ADGRG7: variants seen among roughly 807,000 people sequenced by gnomAD.
The protein encoded by ADGRG7 is adhesion G protein-coupled receptor G7.
Under a neutral mutation model 88.6 loss-of-function variants are expected in ADGRG7, and 82 were observed. The ratio of observed to expected loss-of-function variants is 0.93; its 90% confidence interval spans 0.77 to 1.11. The LOEUF (loss-of-function observed/expected upper bound fraction) is 1.11. Among genes scored for constraint, ADGRG7 ranks in the 50% most tolerant of loss-of-function variants. The probability of loss-of-function intolerance (pLI) is 0.00; values close to 1 mark genes in which losing one functional copy is unlikely to be tolerated. For missense variants in ADGRG7, 945 were observed against 953.4 expected (o/e 0.99, Z 0.12); for synonymous variants, 381 against 345.2 (o/e 1.10, Z -1.15).
At chr3:100,624,310 CAT>C (rs1168968089) in intron 1 of ADGRG7, among the ~76,000 whole-genome samples, 1 of 152,110 alleles carries the variant, frequency 6.6e-6, no homozygotes, top group African/African-American at 2.4e-5. Flanking sequence ...AGCTTGTTTT[CAT>C]ATGTTTGTTG....
At chr3:100,661,967 A>G (rs1185984) in intron 14 of ADGRG7, among the ~76,000 whole-genome samples, 136,569 of 152,188 alleles carry the variant, frequency 0.9, 63,055 homozygotes, top group East Asian at 1. Flanking sequence ...TGAACAAATA[A>G]GGAAAGCAAC....
At chr3:100,621,503 T>C (rs1464935105) in intron 1 of ADGRG7, among the ~76,000 whole-genome samples, 1 of 152,210 alleles carries the variant, frequency 6.6e-6, no homozygotes, top group Non-Finnish European at 1.5e-5. Context: ...AGTTGTAACA[T>C]TCCCTTAAGC....
At chr3:100,622,248 GTC>G (rs1299443828) in intron 1 of ADGRG7, among the ~76,000 whole-genome samples, 1 of 136,888 alleles carries the variant, frequency 7.3e-6, no homozygotes, top group South Asian at 2.5e-4. Flanking sequence ...AAAGATGTAA[GTC>G]TCTCTCTATA....
intron 1 of ADGRG7, among the ~76,000 whole-genome samples, chr3:100,624,000 G>A (rs1267121948): frequency 6.6e-6 from 1 of 152,086 alleles, no homozygotes; most frequent in African/African-American, 2.4e-5. Context: ...AAATAGTGCT[G>A]CAATAAACAT....
chr3:100,616,659 T>C (rs1345491554), intron 1 of ADGRG7, among the ~76,000 whole-genome samples: 2 of 152,012 alleles, frequency 1.3e-5, no homozygotes, highest in African/African-American at 2.4e-5. Flanking sequence ...AAACACAAAA[T>C]ATTATTTCAA....
intron 15 of ADGRG7, among the ~76,000 whole-genome samples, chr3:100,670,017 G>A (rs755546103): frequency 2.0e-5 from 3 of 152,098 alleles, no homozygotes; most frequent in South Asian, 2.1e-4. Context: ...CAGCCTGGGC[G>A]ACAGAGGGAG....
intron 6 of ADGRG7, among the ~76,000 whole-genome samples, chr3:100,639,763 T>C (rs1707607091): frequency 6.6e-6 from 1 of 152,184 alleles, no homozygotes; most frequent in Non-Finnish European, 1.5e-5. Flanking sequence ...ACAAAAAAGA[T>C]AGGAACATTT....
At position 100,609,700 on chromosome 3, in the gene ADGRG7, C is replaced by T; in HGVS notation, c.-157C>T. On this transcript the variant is annotated 5_prime_UTR_variant, in exon 1 of 16. Coordinates refer to ENST00000273352, the MANE Select transcript of ADGRG7 (RefSeq NM_032787.3). ...AAACTGCATCCTACTGGATTAGCCT[C>T]AAAAGTCCTAAAATACAAAGACATC... The T allele has an allele frequency of 8.8e-6, 5 of 566,472 alleles. No homozygotes were observed. Among genetic ancestry groups the T allele is most frequent in the Non-Finnish European group, 1.6e-5 (5 of 309,218 alleles). The allele number at this position is 566,472 out of a possible 1,614,324, so 35.1% of individuals were successfully genotyped here.
intron 15 of ADGRG7, among the ~76,000 whole-genome samples, chr3:100,670,657 A>G (rs368058562): frequency 3.3e-5 from 5 of 152,064 alleles, no homozygotes; most frequent in Non-Finnish European, 7.4e-5. Context: ...GGTTTGCTGC[A>G]CCCATGAACC....
chr3:100,620,864 G>A lies in ADGRG7; in HGVS notation c.116-8734G>A, dbSNP rs116371113. On this transcript the variant is annotated intron_variant, in intron 1 of 15. Coordinates refer to ENST00000273352, the MANE Select transcript of ADGRG7 (RefSeq NM_032787.3). ...TTTTTTTACAACTGGAAGTTTTGTG[G>A]CAACTCTGTGTCAAGCAGGTCTGTT... Among the ~76,000 whole-genome samples the A allele has an allele frequency of 3.5e-3, 537 of 151,642 alleles. 5 individuals are homozygous for A. The highest frequency in any genetic ancestry group is 5.3e-3 in the Non-Finnish European group (362 of 67,884).
chr3:100,613,043 C>A (rs1237096141), intron 1 of ADGRG7, among the ~76,000 whole-genome samples: 2 of 152,136 alleles, frequency 1.3e-5, no homozygotes, highest in Non-Finnish European at 2.9e-5. Context: ...GCACTCACCA[C>A]CACGCCTGGC....
intron 15 of ADGRG7, among the ~76,000 whole-genome samples, chr3:100,683,594 C>A (rs989844767): frequency 2.6e-5 from 4 of 152,196 alleles, no homozygotes; most frequent in African/African-American, 9.7e-5. Context: ...GCTTACACAC[C>A]CCTCACCGCT....
At chr3:100,668,867 A>T in intron 14 of ADGRG7, 82 bp from the exon 15 acceptor site, 1 of 1,024,454 alleles carries the variant, frequency 9.8e-7, no homozygotes, top group Non-Finnish European at 1.4e-6. Context: ...CTGAATATAC[A>T]TTCTAAATAG....
At position 100,646,600 on chromosome 3, in the gene ADGRG7, ATGCCTG is replaced by A; in HGVS notation, c.1145_1150del (p.Ala382_Cys383del). On this transcript the variant is annotated inframe_deletion, in exon 10 of 16. Transcript: ENST00000273352. The stretch of plus-strand genomic sequence containing the variant: ...CAAAAAGAATTTCAACTCTATTCCT[ATGCCTG>A]TGTCTATTGGAATTTGTCAGCGAAG... 1.9e-6 allele frequency: 3 copies of A among 1,614,008 alleles called. No individual in the cohort carries two copies. Among genetic ancestry groups the A allele is most frequent in the Non-Finnish European group, 2.5e-6 (3 of 1,179,890 alleles).
At chr3:100,656,111 G>T (rs2094937173) in intron 13 of ADGRG7, 116 bp downstream of exon 13, 1 of 558,320 alleles carries the variant, frequency 1.8e-6, no homozygotes, top group Admixed American at 2.6e-5. Flanking sequence ...GTCATGTTTA[G>T]TGGTAGACAT....
intron 10 of ADGRG7, among the ~76,000 whole-genome samples, chr3:100,648,510 T>C (rs999450690): frequency 3.9e-5 from 6 of 152,164 alleles, no homozygotes; most frequent in African/African-American, 1.4e-4. Flanking sequence ...GCATAAAGCA[T>C]GAAAGTATGC....
In ADGRG7 at chr3:100,643,368, G is replaced by A. The variant is rs781035694; in HGVS notation, c.801G>A (p.Ala267=). ...CAGCAAATTTCTCTTCAGAAAATGC[G>A]GTGGGGCCTTCAAATGTTCGCTTCT... The part of the protein sequence containing the change: ...IQSANFSSEN[A]VGPSNVRFSV... The change falls in exon 7 of 16, where the codon GCG becomes GCA. Residue 267 remains alanine, a synonymous_variant. Coordinates refer to ENST00000273352, the MANE Select transcript of ADGRG7 (RefSeq NM_032787.3). 1.3e-5 allele frequency: 21 copies of A among 1,613,930 alleles called. No individual in the cohort carries two copies. Among genetic ancestry groups the A allele is most frequent in the Admixed American group, 1.7e-5 (1 of 60,000 alleles).
intron 11 of ADGRG7, among the ~76,000 whole-genome samples, chr3:100,652,508 C>G (rs2149028422): frequency 6.6e-6 from 1 of 152,230 alleles, no homozygotes; most frequent in Non-Finnish European, 1.5e-5. Flanking sequence ...GATTTTATAA[C>G]TTTTATTGGC....
rs754201727 is a variant in ADGRG7 at position 100,646,573 on chromosome 3, A to G, written c.1115A>G (p.Asn372Ser). 5 of 1,612,480 alleles carry G rather than the reference A, an allele frequency of 3.1e-6. No homozygotes were observed. The highest frequency in any genetic ancestry group is 4.2e-6 in the Non-Finnish European group (5 of 1,179,136). ...AATTGTCTTATCAATTCATAGTACA[A>G]CCAAAAAGAATTTCAACTCTATTCC... ...SVDMVFSPKY[N>S]QKEFQLYSYA... Residue 372 changes from asparagine to serine, a missense_variant, in exon 10 of 16, where the codon AAC becomes AGC. Transcript: ENST00000273352.
Sources: gnomAD v4.1 joint callset for allele counts (sites outside exome capture counted in the v4.1 genomes callset) on GRCh38, gnomAD v4.1.1 for gene constraint, MANE v1.5 for transcripts, NCBI Gene and HGNC (gene_info 2026-07-23, HGNC 2026-07-21) for gene names.